SLC8A2: variants seen among roughly 807,000 people sequenced by gnomAD.
SLC8A2 encodes the protein sodium/calcium exchanger 2.
SLC8A2 carries 14 observed loss-of-function variants against 70.2 expected under a neutral mutation model. The observed-to-expected ratio is 0.20, with a 90% CI of 0.13 to 0.31. The LOEUF (loss-of-function observed/expected upper bound fraction) is 0.31, where lower values mean the gene tolerates loss of function less well. Ranked by LOEUF, SLC8A2 falls within the 10% of genes least tolerant of loss-of-function variation. The pLI is 1.00. For synonymous variants in SLC8A2, 575 were observed against 594.3 expected (o/e 0.97, Z 0.47); for missense variants, 779 against 1,320.1 (o/e 0.59, Z 6.35).
chr19:47,445,068 C>T (rs556521146), intron 4 of SLC8A2, among the ~76,000 whole-genome samples: 1 of 149,454 alleles, frequency 6.7e-6, no homozygotes, highest in African/African-American at 2.5e-5. Flanking sequence ...CTCTCTCCCT[C>T]CCTCAAAGCA....
At position 47,448,142 on chromosome 19, in the gene SLC8A2, T is replaced by A; in HGVS notation, c.1430A>T (p.His477Leu). ...IDDDIFEEDE[H>L]FFVRLLNLRV... ...CAGGTTCAGCAGCCGCACGAAGAAA[T>A]GCTCGTCCTCCTCGAAGATGTCGTC... The change falls in exon 4 of 10, where the codon CAT becomes CTT. Residue 477 changes from histidine to leucine, a missense_variant. Around this residue, in one of 6 missense-constraint regions of SLC8A2, gnomAD observed 247 missense variants for 362.8 expected, o/e 0.68. Transcript: ENST00000236877. This position sits in a 1 kb window ranked among gnomAD's most constrained non-coding sequence, Gnocchi z 4.8. The A allele has an allele frequency of 6.2e-7, 1 of 1,612,894 alleles. No homozygotes were observed. The highest frequency in any genetic ancestry group is 8.5e-7 in the Non-Finnish European group (1 of 1,179,712).
At chr19:47,460,889 T>G (rs1568447095) in intron 2 of SLC8A2, among the ~76,000 whole-genome samples, 1 of 151,780 alleles carries the variant, frequency 6.6e-6, no homozygotes, top group Non-Finnish European at 1.5e-5. Flanking sequence ...AATGTTACCT[T>G]TCTCATCAAA....
chr19:47,467,353 A>T lies in SLC8A2; in HGVS notation c.-16-934T>A, dbSNP rs545899544. Among the ~76,000 whole-genome samples the T allele has an allele frequency of 4.6e-5, 7 of 152,270 alleles. No homozygotes were observed. In the South Asian group the frequency reaches 1.5e-3, roughly 32 times the overall value. The stretch of plus-strand genomic sequence containing the variant: ...TGTTAGGAGATTCAAATGGTCTCCA[A>T]CTCGGCCCTTTGAAAGCTCTTGCTC... On this transcript the variant is annotated intron_variant, in intron 1 of 9. Transcript: ENST00000236877.
At chr19:47,467,886 A>C (rs1967484444) in intron 1 of SLC8A2, among the ~76,000 whole-genome samples, 1 of 151,278 alleles carries the variant, frequency 6.6e-6, no homozygotes, top group Admixed American at 6.6e-5. Context: ...GTGTGCCTAT[A>C]ATCTCAGCAC....
At position 47,437,968 on chromosome 19, in the gene SLC8A2, C is replaced by T; in HGVS notation, c.1891G>A (p.Gly631Arg). ...ISALLLNQGDGDRKLTAEEEE... is the reference protein window; with the variant it reads ...ISALLLNQGDRDRKLTAEEEE... ...TCCTCGGCTGTTAGCTTCCTGTCCCCATCCCCTGCAGCATGAGGGGTGGGG... is the reference window on the plus strand; with the variant it reads ...TCCTCGGCTGTTAGCTTCCTGTCCCTATCCCCTGCAGCATGAGGGGTGGGG... The change falls in exon 7 of 10, where the codon GGG becomes AGG. Residue 631 changes from glycine (G) to arginine (R), a missense_variant. This residue lies in a region of SLC8A2 where 247 missense variants were observed against 362.8 expected (regional missense o/e 0.68). Transcript: ENST00000236877. The T allele has an allele frequency of 1.2e-6, 2 of 1,614,186 alleles. No homozygotes were observed.
chr19:47,465,856 A>G lies in SLC8A2; in HGVS notation c.548T>C (p.Val183Ala). The G allele has an allele frequency of 6.2e-6, 10 of 1,614,148 alleles. No individual in the cohort carries two copies. Among genetic ancestry groups the G allele is most frequent in the South Asian group, 1.1e-5 (1 of 91,090 alleles). ...CTTGCGGCTCTCGCCGGCTGGGATG[A>G]CGTAGATGCACACGGCGATGACCAC... The part of the protein sequence containing the change: ...MFVVIAVCIY[V>A]IPAGESRKIK... Residue 183 changes from valine (V) to alanine (A), a missense_variant, in exon 2 of 10, where the codon GTC becomes GCC. Physicochemically the swap from Val to Ala is moderately conservative, Grantham distance 64 (BLOSUM62 0). Transcript: ENST00000236877. This position sits in a 1 kb window ranked among gnomAD's most constrained non-coding sequence, Gnocchi z 5.5.
At chr19:47,439,603 C>CTTCCTTCCT (rs1555747516) in intron 6 of SLC8A2, among the ~76,000 whole-genome samples, 1 of 68,548 alleles carries the variant, frequency 1.5e-5, no homozygotes, top group African/African-American at 8.4e-5. Context: ...TCTCTTCTCC[C>CTTCCTTCCT]TCCTTCCTTC....
Position 47,429,037 on chromosome 19 carries a change from T to G in SLC8A2, c.*1052A>C, listed in dbSNP as rs1265492692. ...CCCCACCCCCCATCAGGCAGAGATG[T>G]GGCAGCATTTGCTGGCTTGTAGCAT... On this transcript the variant is annotated 3_prime_UTR_variant, in exon 10 of 10. Coordinates refer to ENST00000236877, the MANE Select transcript of SLC8A2 (RefSeq NM_015063.3). 1 of 130,470 alleles carries G rather than the reference T, an allele frequency of 7.7e-6. No individual in the cohort carries two copies. Among genetic ancestry groups the G allele is most frequent in the Non-Finnish European group, 1.6e-5 (1 of 62,594 alleles). The allele number at this position is 130,470 out of a possible 1,614,324, so 8.1% of individuals were successfully genotyped here.
chr19:47,438,413 T>C (rs1967058293), intron 6 of SLC8A2, among the ~76,000 whole-genome samples: 2 of 152,154 alleles, frequency 1.3e-5, no homozygotes, highest in African/African-American at 2.4e-5. Flanking sequence ...AACATTATCA[T>C]CATCGTTGCC....
intron 3 of SLC8A2, among the ~76,000 whole-genome samples, chr19:47,456,574 G>A (rs903218068): frequency 1.3e-5 from 2 of 152,216 alleles, no homozygotes; most frequent in Non-Finnish European, 2.9e-5. Flanking sequence ...GCTGAGGCAC[G>A]AGAATCGCTT....
rs1363543249 is a variant in SLC8A2 at position 47,457,605 on chromosome 19, C to T, written c.676-11G>A. On this transcript the variant is annotated splice_polypyrimidine_tract_variant and intron_variant, in intron 2 of 9. Coordinates refer to ENST00000236877, the MANE Select transcript of SLC8A2 (RefSeq NM_015063.3). ...CAGCGCCTCCCACACCTGCGGGCGG[C>T]GGGCGTCAGGGCGAGGCCGGGCGGG... 11 of 1,528,924 alleles carry T rather than the reference C, an allele frequency of 7.2e-6. No homozygotes were observed. Among genetic ancestry groups the T allele is most frequent in the African/African-American group, 1.4e-5 (1 of 69,810 alleles). 94.7% of individuals were successfully genotyped at this position (1,528,924 alleles called of 1,614,324 possible).
rs1967440456 is a variant in SLC8A2, at chr19:47,465,040, T to C, written c.675+689A>G. ...TGTTGGGTTGGATGGGAGTATACAT[T>C]ACACTGAAGTGGCATAAATTATCCC... On this transcript the variant is annotated intron_variant, in intron 2 of 9. Transcript: ENST00000236877. This position sits in a 1 kb window ranked among gnomAD's most constrained non-coding sequence, Gnocchi z 5.5. 2.0e-5 allele frequency among the ~76,000 whole-genome samples: 3 copies of C among 152,208 alleles called. No individual in the cohort carries two copies.
intron 4 of SLC8A2, among the ~76,000 whole-genome samples, chr19:47,446,923 GAGTGT>G (rs1379889294): frequency 3.3e-5 from 5 of 152,014 alleles, no homozygotes; most frequent in Non-Finnish European, 7.4e-5. Flanking sequence ...GTGTGTGTCT[GAGTGT>G]ATCCAGCCAG....
rs1344052294 is a variant in SLC8A2, at chr19:47,448,702, C to T, written c.1341-471G>A. Among the ~76,000 whole-genome samples, 1 of 152,070 alleles carries T rather than the reference C, an allele frequency of 6.6e-6. No individual in the cohort carries two copies. Among genetic ancestry groups the T allele is most frequent in the African/African-American group, 2.4e-5 (1 of 41,406 alleles). On this transcript the variant is annotated intron_variant, in intron 3 of 9. Transcript: ENST00000236877. The surrounding 1 kb of genome is among the most constrained non-coding windows in gnomAD (Gnocchi z 4.8). Reference sequence around the variant, plus strand: ...AAATGCAGATTCTGGTTTAGAAGCTCCCGGGTTTCTAGAATCGCATTTCTA... The same window carrying T: ...AAATGCAGATTCTGGTTTAGAAGCTTCCGGGTTTCTAGAATCGCATTTCTA...
Position 47,468,447 on chromosome 19 carries a change from C to T in SLC8A2, c.-16-2028G>A, listed in dbSNP as rs2122656292. Among the ~76,000 whole-genome samples the T allele has an allele frequency of 6.6e-6, 1 of 152,338 alleles. No homozygotes were observed. Among genetic ancestry groups the T allele is most frequent in the East Asian group, 1.9e-4 (1 of 5,184 alleles). The stretch of plus-strand genomic sequence containing the variant: ...AAGTAGCGGGAAGTACAGGCGTGCG[C>T]CACCATGCCCAGCTAATTTATTGTA... On this transcript the variant is annotated intron_variant, in intron 1 of 9. Transcript: ENST00000236877. This position sits in a 1 kb window ranked among gnomAD's most constrained non-coding sequence, Gnocchi z 5.1.
intron 1 of SLC8A2, among the ~76,000 whole-genome samples, chr19:47,469,082 CAAG>C (rs1318407617): frequency 4.0e-5 from 6 of 151,414 alleles, no homozygotes; most frequent in Admixed American, 2.6e-4. Flanking sequence ...CAGAACTTCC[CAAG>C]AAGGAGAGAG....
At chr19:47,452,443 AGAGTGTGTGTGTGTGT>A (rs1967254211) in intron 3 of SLC8A2, among the ~76,000 whole-genome samples, 1 of 55,784 alleles carries the variant, frequency 1.8e-5, no homozygotes, top group Admixed American at 2.4e-4. Context: ...AGAGAGAGAG[AGAGTGTGTGTGTGTGT>A]GTGTGTGTGT....
rs771680479 is a variant in SLC8A2, at chr19:47,447,790, C to A, written c.1763+19G>T. The A allele has an allele frequency of 6.4e-7, 1 of 1,568,766 alleles. No individual in the cohort carries two copies. The highest frequency in any genetic ancestry group is 1.2e-5 in the South Asian group (1 of 86,780). ...TTCCGAAGCCCCGCCCCTCTCCGGG[C>A]CGCCTCGGGCGTGCTCACATGGTCT... is the stretch of plus-strand genomic sequence containing the variant. On this transcript the variant is annotated intron_variant, in intron 4 of 9. Transcript: ENST00000236877. The surrounding 1 kb of genome is among the most constrained non-coding windows in gnomAD (Gnocchi z 5.1).
chr19:47,462,997 A>G (rs745532475), intron 2 of SLC8A2, among the ~76,000 whole-genome samples: 1 of 152,124 alleles, frequency 6.6e-6, no homozygotes, highest in Non-Finnish European at 1.5e-5. Flanking sequence ...CTTGCATGCA[A>G]TGGTTTCTGA....
Sources: gnomAD v4.1 joint callset for allele counts (sites outside exome capture counted in the v4.1 genomes callset) on GRCh38, gnomAD v4.1.1 for gene constraint, gnomAD v4.1.1 regional missense constraint, Gnocchi (gnomAD v3.1) non-coding constraint, MANE v1.5 for transcripts, NCBI Gene and HGNC (gene_info 2026-07-23, HGNC 2026-07-21) for gene names.